DAPK1: variants seen among roughly 807,000 people sequenced by gnomAD.
The protein encoded by DAPK1 is death associated protein kinase 1.
In DAPK1, 56 loss-of-function variants were observed where a neutral mutation model predicts 144.9. The observed-to-expected ratio is 0.39, with a 90% CI of 0.31 to 0.48. DAPK1 has a LOEUF of 0.48. Ranked by LOEUF, DAPK1 falls within the 20% of genes least tolerant of loss-of-function variation. The probability of loss-of-function intolerance (pLI) is 0.95; values close to 1 mark genes in which losing one functional copy is unlikely to be tolerated. For missense variants in DAPK1, 1,454 were observed against 1,875.4 expected (o/e 0.78, Z 4.15); for synonymous variants, 690 against 749.0 (o/e 0.92, Z 1.29).
intron 18 of DAPK1, among the ~76,000 whole-genome samples, chr9:87,662,356 A>T (rs1038198964): frequency 6.6e-6 from 1 of 152,140 alleles, no homozygotes; most frequent in Non-Finnish European, 1.5e-5. Context: ...AATTCTGTGA[A>T]AAATGAGGTG....
At chr9:87,525,251 T>TG in intron 2 of DAPK1, 1 of 1,360,174 alleles carries the variant, frequency 7.4e-7, no homozygotes, top group Non-Finnish European at 1.0e-6. Flanking sequence ...ACCTAAAAAA[T>TG]GCGTTGAATA....
intron 20 of DAPK1, among the ~76,000 whole-genome samples, chr9:87,683,091 T>TA (rs1564068861): frequency 2.0e-5 from 3 of 149,772 alleles, no homozygotes; most frequent in East Asian, 1.9e-4. Context: ...ATTTATTTTT[T>TA]TTTTTTTTTG....
intron 2 of DAPK1, among the ~76,000 whole-genome samples, chr9:87,604,429 A>G (rs1828640872): frequency 6.6e-6 from 1 of 152,248 alleles, no homozygotes; most frequent in South Asian, 2.1e-4. Context: ...AATATTTGGT[A>G]CATATGACTT....
At chr9:87,554,573 T>C (rs1432832811) in intron 2 of DAPK1, 1 of 152,188 alleles carries the variant, frequency 6.6e-6, no homozygotes, top group Non-Finnish European at 1.5e-5. Flanking sequence ...GGACCACCCT[T>C]AGGAGCCTTC....
At chr9:87,541,549 GAA>G (rs34942132) in intron 2 of DAPK1, among the ~76,000 whole-genome samples, 43,699 of 133,064 alleles carry the variant, frequency 0.33, 6,864 homozygotes, top group Middle Eastern at 0.44. Context: ...ACTCTGTCTG[GAA>G]AAAAAAAAAA....
chr9:87,677,066 G>A (rs1824412137), intron 19 of DAPK1, among the ~76,000 whole-genome samples: 1 of 152,236 alleles, frequency 6.6e-6, no homozygotes, highest in African/African-American at 2.4e-5. Flanking sequence ...GGGAATGTGA[G>A]TGAAGGCATA....
At chr9:87,631,672 A>C (rs1201954095) in intron 3 of DAPK1, among the ~76,000 whole-genome samples, 1 of 152,228 alleles carries the variant, frequency 6.6e-6, no homozygotes, top group African/African-American at 2.4e-5. Context: ...TTTGGAACAA[A>C]GAGAAAAAGT....
chr9:87,583,719 C>T (rs900148211), intron 2 of DAPK1, among the ~76,000 whole-genome samples: 1 of 152,136 alleles, frequency 6.6e-6, no homozygotes, highest in Non-Finnish European at 1.5e-5. Context: ...GAAACTCCAC[C>T]CAAACCTTCA....
At chr9:87,658,427 G>T (rs1830710640) in intron 18 of DAPK1, among the ~76,000 whole-genome samples, 1 of 152,208 alleles carries the variant, frequency 6.6e-6, no homozygotes, top group Admixed American at 6.5e-5. Flanking sequence ...GGTGGGGTGT[G>T]TGTACTTCCC....
intron 2 of DAPK1, among the ~76,000 whole-genome samples, chr9:87,526,493 T>C (rs1490784425): frequency 1.3e-5 from 2 of 152,236 alleles, no homozygotes; most frequent in Admixed American, 1.3e-4. Flanking sequence ...TCATCTCTTT[T>C]TTATTGCTGA....
At chr9:87,642,362 C>A (rs1314311992) in intron 10 of DAPK1, among the ~76,000 whole-genome samples, 1 of 152,066 alleles carries the variant, frequency 6.6e-6, no homozygotes, top group African/African-American at 2.4e-5. Context: ...TACTACAAGC[C>A]ACATTTTAAA....
At chr9:87,549,820 G>A (rs768793873) in intron 2 of DAPK1, among the ~76,000 whole-genome samples, 3 of 152,104 alleles carry the variant, frequency 2.0e-5, no homozygotes, top group Admixed American at 6.5e-5. Flanking sequence ...ATGGAAAAGT[G>A]GGGGAAAAAA....
At position 87,705,304 on chromosome 9, in the gene DAPK1, C is replaced by T. The variant is rs536810991; in HGVS notation, c.3061-828C>T. On this transcript the variant is annotated intron_variant, in intron 25 of 25. Transcript: ENST00000408954. ...TTGCCAAGGCTGGAGTGCAGTGGCA[C>T]AATCTCGGCTCACTGCAGCCTCCGC... Among the ~76,000 whole-genome samples the T allele has an allele frequency of 9.9e-4, 144 of 145,760 alleles. 1 individual carries two copies. Among genetic ancestry groups the T allele is most frequent in the African/African-American group, 3.6e-3 (142 of 38,964 alleles).
At chr9:87,629,997 A>T (rs1829615618) in intron 3 of DAPK1, among the ~76,000 whole-genome samples, 1 of 152,126 alleles carries the variant, frequency 6.6e-6, no homozygotes, top group South Asian at 2.1e-4. Context: ...ACTAGCCCAG[A>T]TGGAGAGACC....
At chr9:87,547,700 G>T (rs1231285436) in intron 2 of DAPK1, among the ~76,000 whole-genome samples, 1 of 151,948 alleles carries the variant, frequency 6.6e-6, no homozygotes, top group African/African-American at 2.4e-5. Flanking sequence ...TCGGGGCAGG[G>T]GTGGGGGTGC....
intron 2 of DAPK1, among the ~76,000 whole-genome samples, chr9:87,552,597 C>CT (rs1491180913): frequency 0.025 from 3,838 of 151,484 alleles, 149 homozygotes; most frequent in African/African-American, 0.085. Flanking sequence ...TAAAATGTAC[C>CT]TCTTTTTTTT....
intron 2 of DAPK1, among the ~76,000 whole-genome samples, chr9:87,593,617 A>T (rs17053193): frequency 1.3e-5 from 2 of 152,092 alleles, no homozygotes; most frequent in Admixed American, 1.3e-4. Flanking sequence ...TCTTCCCCGT[A>T]TTGAATCTTA....
chr9:87,671,499 TTTTTTCTTTG>T (rs1824147793), intron 19 of DAPK1, among the ~76,000 whole-genome samples: 1 of 134,014 alleles, frequency 7.5e-6, no homozygotes, highest in Non-Finnish European at 1.7e-5. Flanking sequence ...TAGTCACCTT[TTTTTTCTTTG>T]TTTTTTTTTG....
At chr9:87,623,966 C>T (rs769751532) in intron 3 of DAPK1, among the ~76,000 whole-genome samples, 3 of 152,062 alleles carry the variant, frequency 2.0e-5, no homozygotes, top group Admixed American at 1.3e-4. Flanking sequence ...TTTTATATGC[C>T]GGGTGTATTA....
Sources: gnomAD v4.1 joint callset for allele counts (sites outside exome capture counted in the v4.1 genomes callset) on GRCh38, gnomAD v4.1.1 for gene constraint, MANE v1.5 for transcripts, NCBI Gene and HGNC (gene_info 2026-07-23, HGNC 2026-07-21) for gene names.